Variants in CISH observed in about 807,000 individuals in gnomAD.
CISH encodes the protein cytokine-inducible SH2-containing protein.
A neutral mutation model predicts 21.3 loss-of-function variants in CISH; 11 were observed. The observed-to-expected ratio is 0.52, with a 90% CI of 0.32 to 0.85. The LOEUF (loss-of-function observed/expected upper bound fraction) is 0.85, where lower values mean the gene tolerates loss of function less well. CISH is among the 40% of genes least tolerant of loss of function. The pLI is 0.03. For missense variants in CISH, 280 were observed against 351.7 expected, an observed-to-expected ratio of 0.80 and a Z score of 1.63; for synonymous variants, 118 against 142.3, an observed-to-expected ratio of 0.83 and a Z score of 1.22.
In CISH at chr3:50,611,711, A is replaced by C; in HGVS notation, c.-61T>G. ...CGGCTGGACGGCGGCGGCTGGAGGGAACCAGTGGGCGCGGAGCGCGTGCTG... is the reference window on the plus strand; with the variant it reads ...CGGCTGGACGGCGGCGGCTGGAGGGCACCAGTGGGCGCGGAGCGCGTGCTG... On this transcript the variant is annotated 5_prime_UTR_variant, in exon 1 of 3. Coordinates refer to ENST00000348721, the MANE Select transcript of CISH (RefSeq NM_145071.4). The C allele has an allele frequency of 7.0e-7, 1 of 1,438,516 alleles. No homozygotes were observed. Among genetic ancestry groups the C allele is most frequent in the Non-Finnish European group, 9.1e-7 (1 of 1,097,130 alleles). The allele number at this position is 1,438,516 out of a possible 1,614,324, so 89.1% of individuals were successfully genotyped here. A position where few individuals can be genotyped will look rare whatever the true frequency, so the allele number is the denominator to read the frequency against.
intron 1 of CISH, chr3:50,611,413 C>T (rs2107561801): frequency 9.6e-6 from 13 of 1,360,190 alleles, no homozygotes; most frequent in African/African-American, 1.5e-5. Context: ...GCCGGCCAGC[C>T]CCCGGTTTCC....
Position 50,608,139 on chromosome 3 carries a change from C to A in CISH, c.245G>T (p.Trp82Leu). The change falls in exon 3 of 3, where the codon TGG (tryptophan) becomes TTG (leucine). Residue 82 changes from tryptophan to leucine, a missense_variant. By Grantham distance (61) the Trp-to-Leu change is moderately conservative. Coordinates refer to ENST00000348721, the MANE Select transcript of CISH (RefSeq NM_145071.4). ...GCTGGCCGTAATGGAACCCCAATAC[C>A]AGCCTAGGCAAGTGCAGAGGGGGCC... Reference protein sequence around the residue: ...KTFSYLRESGWYWGSITASEA... With the variant: ...KTFSYLRESGLYWGSITASEA... The A allele has an allele frequency of 1.3e-6, 2 of 1,599,624 alleles. No individual in the cohort carries two copies. Among genetic ancestry groups the A allele is most frequent in the Non-Finnish European group, 1.7e-6 (2 of 1,170,766 alleles).
In CISH at chr3:50,608,118, G is replaced by C. The variant is rs1259753387; in HGVS notation, c.266C>G (p.Ala89Gly). The C allele has an allele frequency of 3.1e-6, 5 of 1,607,314 alleles. No individual in the cohort carries two copies. The highest frequency in any genetic ancestry group is 4.3e-6 in the Non-Finnish European group (5 of 1,175,624). Reference sequence around the variant, plus strand: ...CTGCAGGTGTTGTCGGGCCTCGCTGGCCGTAATGGAACCCCAATACCAGCC... The same window carrying C: ...CTGCAGGTGTTGTCGGGCCTCGCTGCCCGTAATGGAACCCCAATACCAGCC... Reference protein sequence around the residue: ...ESGWYWGSITASEARQHLQKM... With the variant: ...ESGWYWGSITGSEARQHLQKM... Residue 89 changes from alanine (A) to glycine (G), a missense_variant, in exon 3 of 3, where the codon GCC (alanine) becomes GGC (glycine). Physicochemically the swap from Ala to Gly is moderately conservative, Grantham distance 60. Transcript: ENST00000348721.
At position 50,607,338 on chromosome 3, in the gene CISH, G is replaced by C. The variant is rs974450141; in HGVS notation, c.*269C>G. 5 of 493,804 alleles carry C rather than the reference G, an allele frequency of 1.0e-5. No individual in the cohort carries two copies. Among genetic ancestry groups the C allele is most frequent in the African/African-American group, 5.7e-5 (3 of 52,202 alleles). 30.6% of individuals were successfully genotyped at this position (493,804 alleles called of 1,614,324 possible). ...AGTGGAGGTCTGGGCCCAGCCCACA[G>C]GTGAGACAAGGTCCTGCCTGTCTCC... On this transcript the variant is annotated 3_prime_UTR_variant, in exon 3 of 3. Transcript: ENST00000348721.
At chr3:50,611,336 G>A (rs2032318681) in intron 1 of CISH, 5 of 1,327,684 alleles carry the variant, frequency 3.8e-6, no homozygotes, top group African/African-American at 1.5e-5. Context: ...GGGGGACGCC[G>A]TGCCGTTAGC....
Position 50,607,969 on chromosome 3 carries a change from G to A in CISH, c.415C>T (p.Arg139Cys), listed in dbSNP as rs780805211. The change falls in exon 3 of 3, where the codon CGT becomes TGT. Residue 139 changes from arginine (R) to cysteine (C), a missense_variant. By Grantham distance (180) the Arg-to-Cys change is radical. Transcript: ENST00000348721. Reference sequence around the variant, plus strand: ...CTGGACAAGCAGTTGGAGTCCAGACGGAAGCTGGAGTCGGCATACTCAATG... The same window carrying A: ...CTGGACAAGCAGTTGGAGTCCAGACAGAAGCTGGAGTCGGCATACTCAATG... Reference protein sequence around the residue: ...VRIEYADSSFRLDSNCLSRPR... With the variant: ...VRIEYADSSFCLDSNCLSRPR... The A allele has an allele frequency of 2.5e-6, 4 of 1,613,922 alleles. No homozygotes were observed. The highest frequency in any genetic ancestry group is 3.4e-6 in the Non-Finnish European group (4 of 1,180,028).
chr3:50,610,814 C>T (rs1166530487), intron 1 of CISH: 1 of 1,106,542 alleles, frequency 9.0e-7, no homozygotes, highest in African/African-American at 1.6e-5. Context: ...TTCCTCTCTC[C>T]TTGGAGCTTC....
intron 1 of CISH, chr3:50,611,271 C>T (rs576519074): frequency 8.5e-7 from 1 of 1,173,482 alleles, no homozygotes; most frequent in South Asian, 2.5e-5. Flanking sequence ...AGCAGGCAGG[C>T]TAGCGTAGAG....
In CISH at chr3:50,608,370, C is replaced by T. The variant is rs757848688; in HGVS notation, c.241+3G>A. ...AAAGGCCTGCCTCCCCCCTCAGACT[C>T]ACCAGATTCCCGAAGGTAGGAGAAG... On this transcript the variant is annotated splice_donor_region_variant and intron_variant, in intron 2 of 2. Transcript: ENST00000348721. 2.5e-6 allele frequency: 4 copies of T among 1,595,928 alleles called. No homozygotes were observed. The Admixed American group carries it at 5.3e-5, about 21-fold the overall frequency.
At chr3:50,608,349 G>T (rs1418090693) in intron 2 of CISH, 24 bp downstream of exon 2, 5 of 1,569,134 alleles carry the variant, frequency 3.2e-6, no homozygotes, top group Admixed American at 3.7e-5. Flanking sequence ...TCAGGAAAAG[G>T]CCTGCCTCCC....
chr3:50,610,268 G>A (rs571804311), intron 1 of CISH: 175 of 1,312,772 alleles, frequency 1.3e-4, no homozygotes, highest in Middle Eastern at 7.5e-4. Flanking sequence ...TAGCTTAGCC[G>A]GTCCTCAGAT....
At chr3:50,608,746 T>C (rs142022286) in intron 1 of CISH, 153 bp from the exon 2 acceptor site, 6 of 467,480 alleles carry the variant, frequency 1.3e-5, no homozygotes, top group Non-Finnish European at 2.2e-5. Context: ...GCTCAGTTAG[T>C]CCAGTATCTC....
intron 1 of CISH, chr3:50,610,785 A>G (rs2032301232): frequency 2.5e-6 from 3 of 1,178,400 alleles, no homozygotes; most frequent in Non-Finnish European, 3.2e-6. Flanking sequence ...CTGAGTGCAG[A>G]ACACCCATTT....
Position 50,611,722 on chromosome 3 carries a change from G to T in CISH, c.-72C>A. ...CGGCGGCTGGAGGGAACCAGTGGGCGCGGAGCGCGTGCTGGGTAGGCTCCC... is the reference window on the plus strand; with the variant it reads ...CGGCGGCTGGAGGGAACCAGTGGGCTCGGAGCGCGTGCTGGGTAGGCTCCC... On this transcript the variant is annotated 5_prime_UTR_variant, in exon 1 of 3. Coordinates refer to ENST00000348721, the MANE Select transcript of CISH (RefSeq NM_145071.4). The T allele has an allele frequency of 7.0e-7, 1 of 1,425,194 alleles. No homozygotes were observed. Among genetic ancestry groups the T allele is most frequent in the Non-Finnish European group, 9.2e-7 (1 of 1,090,970 alleles). The allele number at this position is 1,425,194 out of a possible 1,614,324, so 88.3% of individuals were successfully genotyped here.
At chr3:50,610,280 C>T (rs1190666035) in intron 1 of CISH, 26 of 1,413,962 alleles carry the variant, frequency 1.8e-5, no homozygotes, top group Admixed American at 4.0e-5. Context: ...TCCTCAGATC[C>T]CACATGTAGG....
intron 1 of CISH, 92 bp downstream of exon 1, chr3:50,611,539 A>G (rs956080952): frequency 6.6e-7 from 1 of 1,518,408 alleles, no homozygotes; most frequent in Non-Finnish European, 8.8e-7. Flanking sequence ...TGGCCCGTCA[A>G]GCCCTCCCAA....
At chr3:50,608,189 G>C (rs1358645227) in intron 2 of CISH, 47 bp from the exon 3 acceptor site, 1 of 1,565,558 alleles carries the variant, frequency 6.4e-7, no homozygotes, top group Non-Finnish European at 8.7e-7. Context: ...AAATTAGCTG[G>C]GGTAACCAAT....
chr3:50,610,965 C>A, intron 1 of CISH: 1 of 994,440 alleles, frequency 1.0e-6, no homozygotes, highest in South Asian at 4.4e-5. Flanking sequence ...TCCACTGTCC[C>A]TTACCTCAAG....
rs1402671653 is a variant in CISH, at chr3:50,606,833, G to A, written c.*774C>T. 1 of 152,434 alleles carries A rather than the reference G, an allele frequency of 6.6e-6. No homozygotes were observed. Among genetic ancestry groups the A allele is most frequent in the African/African-American group, 2.4e-5 (1 of 41,464 alleles). 9.4% of individuals were successfully genotyped at this position (152,434 alleles called of 1,614,324 possible). ...GGGGTGAGACACAGGCTCTGCTGGGGACTGAGGCTCCGGCTGCATTTTCTT... is the reference window on the plus strand; with the variant it reads ...GGGGTGAGACACAGGCTCTGCTGGGAACTGAGGCTCCGGCTGCATTTTCTT... On this transcript the variant is annotated 3_prime_UTR_variant, in exon 3 of 3. Transcript: ENST00000348721.
Sources: allele counts gnomAD v4.1 joint callset, GRCh38; gene constraint gnomAD v4.1.1; transcripts MANE v1.5; gene names NCBI Gene and HGNC (gene_info 2026-07-23, HGNC 2026-07-21).